Variants in TNR observed in about 807,000 individuals in gnomAD.
The protein encoded by TNR is tenascin-R.
A neutral mutation model predicts 150.4 loss-of-function variants in TNR; 45 were observed. That is an observed-to-expected ratio of 0.30 (90% CI 0.24 to 0.38). TNR has a LOEUF of 0.38. Ranked by LOEUF, TNR falls within the 10% of genes least tolerant of loss-of-function variation. The pLI, the probability that TNR is intolerant of heterozygous loss-of-function variation, is 1.00. For missense variants in TNR, 1,544 were observed against 1,759.1 expected (o/e 0.88, Z 2.19); for synonymous variants, 687 against 678.4 (o/e 1.01, Z -0.20).
intron 1 of TNR, among the ~76,000 whole-genome samples, chr1:175,650,835 C>A (rs1449258889): frequency 6.5e-5 from 3 of 45,870 alleles, no homozygotes; most frequent in Non-Finnish European, 1.3e-4. Context: ...TACTACCCCT[C>A]CCCCACCTCA....
intron 1 of TNR, among the ~76,000 whole-genome samples, chr1:175,688,401 T>C (rs186279493): frequency 1.3e-5 from 2 of 152,372 alleles, no homozygotes; most frequent in African/African-American, 4.8e-5. Flanking sequence ...TTCCGTTTTG[T>C]TGTGACTGCC....
intron 2 of TNR, among the ~76,000 whole-genome samples, chr1:175,410,018 G>A (rs1654138398): frequency 6.6e-6 from 1 of 152,180 alleles, no homozygotes. Flanking sequence ...GAGGGAGCAG[G>A]GGTGTTAACA....
At chr1:175,359,980 A>G (rs1302528229) in intron 14 of TNR, among the ~76,000 whole-genome samples, 1 of 152,174 alleles carries the variant, frequency 6.6e-6, no homozygotes, top group Non-Finnish European at 1.5e-5. Flanking sequence ...AATTAATTCA[A>G]TAACTTCTTA....
intron 2 of TNR, among the ~76,000 whole-genome samples, chr1:175,416,496 T>C (rs1293454898): frequency 6.6e-6 from 1 of 152,208 alleles, no homozygotes; most frequent in Admixed American, 6.5e-5. Context: ...CTATTTTTCA[T>C]CTGTGTTTCT....
At chr1:175,423,196 A>G (rs1654830214) in intron 2 of TNR, among the ~76,000 whole-genome samples, 1 of 152,226 alleles carries the variant, frequency 6.6e-6, no homozygotes, top group South Asian at 2.1e-4. Flanking sequence ...TATTGTTAAT[A>G]CATCAAATAT....
intron 1 of TNR, among the ~76,000 whole-genome samples, chr1:175,595,852 C>G (rs1662984981): frequency 6.6e-6 from 1 of 152,282 alleles, no homozygotes; most frequent in East Asian, 1.9e-4. Flanking sequence ...CACTTATTCT[C>G]TCATTTATTA....
intron 1 of TNR, among the ~76,000 whole-genome samples, chr1:175,661,007 A>T (rs1015264741): frequency 1.3e-5 from 2 of 152,186 alleles, no homozygotes; most frequent in Non-Finnish European, 2.9e-5. Context: ...CAGAATCAGG[A>T]TGTGTGTCGA....
Position 175,406,855 on chromosome 1 carries a change from C to A in TNR, c.-63-78G>T, listed in dbSNP as rs886910507. ...CATGGCTCTGCACAAGCCTACAAAGCTCAGGAGTAGGCAGCCAGAGATTTT... is the reference window on the plus strand; with the variant it reads ...CATGGCTCTGCACAAGCCTACAAAGATCAGGAGTAGGCAGCCAGAGATTTT... On this transcript the variant is annotated intron_variant, in intron 2 of 22. Transcript: ENST00000367674. The A allele has an allele frequency of 2.4e-5, 27 of 1,132,012 alleles. No individual in the cohort carries two copies. In the African/African-American group the frequency reaches 3.6e-4, roughly 15 times the overall value. The allele number at this position is 1,132,012 out of a possible 1,614,324, so 70.1% of individuals were successfully genotyped here.
intron 1 of TNR, among the ~76,000 whole-genome samples, chr1:175,692,905 C>T (rs540842142): frequency 3.3e-4 from 50 of 152,286 alleles, no homozygotes; most frequent in African/African-American, 1.2e-3. Context: ...CATATCAGTC[C>T]TGCTTCACAG....
chr1:175,354,550 G>C (rs753563958), intron 17 of TNR, 27 bp from the exon 18 acceptor site: 2 of 1,613,628 alleles, frequency 1.2e-6, no homozygotes, highest in Middle Eastern at 3.3e-4. Context: ...AGGAAGGGTG[G>C]TGGAAGGGAG....
chr1:175,439,145 C>A (rs1655661702), intron 2 of TNR, among the ~76,000 whole-genome samples: 1 of 152,118 alleles, frequency 6.6e-6, no homozygotes, highest in Non-Finnish European at 1.5e-5. Context: ...CTACAGTAAC[C>A]AAAACAGCAT....
intron 1 of TNR, among the ~76,000 whole-genome samples, chr1:175,574,154 G>A (rs1177904066): frequency 3.9e-5 from 6 of 152,152 alleles, no homozygotes; most frequent in African/African-American, 9.7e-5. Flanking sequence ...GTTAAGTGCT[G>A]TGGATCTAAC....
chr1:175,388,609 G>A (rs554522896), intron 7 of TNR, among the ~76,000 whole-genome samples: 3 of 152,204 alleles, frequency 2.0e-5, no homozygotes, highest in East Asian at 1.9e-4. Flanking sequence ...TCTGCCCTTT[G>A]TTGGCCACTT....
At chr1:175,376,119 G>A (rs1280928869) in intron 9 of TNR, among the ~76,000 whole-genome samples, 1 of 152,108 alleles carries the variant, frequency 6.6e-6, no homozygotes, top group Admixed American at 6.5e-5. Flanking sequence ...GTTCTCGGGG[G>A]AAGAGGCCTC....
intron 2 of TNR, among the ~76,000 whole-genome samples, chr1:175,475,214 T>C (rs1657494295): frequency 6.6e-6 from 1 of 152,154 alleles, no homozygotes; most frequent in Non-Finnish European, 1.5e-5. Flanking sequence ...TCATGTAGAC[T>C]CTTCTCCATA....
chr1:175,583,930 C>G (rs991227411), intron 1 of TNR, among the ~76,000 whole-genome samples: 1 of 152,190 alleles, frequency 6.6e-6, no homozygotes, highest in Non-Finnish European at 1.5e-5. Flanking sequence ...AATGACACAC[C>G]AGAAGAGCCA....
intron 2 of TNR, among the ~76,000 whole-genome samples, chr1:175,422,363 C>CCT (rs1253765747): frequency 6.6e-6 from 1 of 151,988 alleles, no homozygotes; most frequent in Non-Finnish European, 1.5e-5. Context: ...TCTAATAGGT[C>CCT]CTCTCTCTCT....
At position 175,330,186 on chromosome 1, in the gene TNR, G is replaced by A. The variant is rs747349257; in HGVS notation, c.3681C>T (p.Arg1227=). The A allele has an allele frequency of 1.7e-5, 27 of 1,612,782 alleles. No individual in the cohort carries two copies. The highest frequency in any genetic ancestry group is 3.3e-4 in the Middle Eastern group (2 of 6,084). The stretch of plus-strand genomic sequence containing the variant: ...CCTCTTGGCCATCCCGCATGTCCAC[G>A]CGCAGCTCATAGCGGCCCTGGGATG... The part of the protein sequence containing the change: ...RITSQGRYEL[R]VDMRDGQEAA... Residue 1227 remains arginine (R), a synonymous_variant, in exon 21 of 23, where the codon CGC becomes CGT. Transcript: ENST00000367674.
chr1:175,732,955 C>A (rs1558096176), intron 1 of TNR, among the ~76,000 whole-genome samples: 1 of 152,186 alleles, frequency 6.6e-6, no homozygotes, highest in Non-Finnish European at 1.5e-5. Context: ...TTTTGGGACC[C>A]AGTTGGTGAT....
Sources: gnomAD v4.1 joint callset for allele counts (sites outside exome capture counted in the v4.1 genomes callset) on GRCh38, gnomAD v4.1.1 for gene constraint, MANE v1.5 for transcripts, NCBI Gene and HGNC (gene_info 2026-07-23, HGNC 2026-07-21) for gene names.